The following ZNF292 variants were observed in gnomAD, a reference collection of about 807,000 sequenced individuals.
The protein encoded by ZNF292 is zinc finger protein 292.
ZNF292 carries 26 observed loss-of-function variants against 217.9 expected under a neutral mutation model. That is an observed-to-expected ratio of 0.12 (90% CI 0.09 to 0.17). The LOEUF (loss-of-function observed/expected upper bound fraction) is 0.17. ZNF292 is among the 10% of genes least tolerant of loss of function. The pLI, the probability that ZNF292 is intolerant of heterozygous loss-of-function variation, is 1.00. For missense variants in ZNF292, 2,904 were observed against 3,175.2 expected, an observed-to-expected ratio of 0.91 and a Z score of 2.05; for synonymous variants, 1,257 against 1,124.1, an observed-to-expected ratio of 1.12 and a Z score of -2.37.
At chr6:87,247,418 G>C (rs1164731966) in intron 7 of ZNF292, among the ~76,000 whole-genome samples, 3 of 152,090 alleles carry the variant, frequency 2.0e-5, no homozygotes, top group East Asian at 3.8e-4. Flanking sequence ...GGGAATTTTA[G>C]GTATGTCCAA....
intron 1 of ZNF292, among the ~76,000 whole-genome samples, chr6:87,187,714 CAAAAAA>C (rs10687268): frequency 1.0e-5 from 1 of 96,666 alleles, no homozygotes; most frequent in African/African-American, 4.0e-5. Context: ...GACTCTGCCT[CAAAAAA>C]AAAAAAAAAA....
intron 3 of ZNF292, 121 bp from the exon 4 acceptor site, chr6:87,218,469 TTTGTAA>T: frequency 1.6e-6 from 1 of 626,260 alleles, no homozygotes; most frequent in African/African-American, 1.9e-5. Context: ...AATTGAGTAC[TTTGTAA>T]TGTGATGTGA....
chr6:87,254,652 T>C lies in ZNF292; in HGVS notation c.1023T>C (p.Thr341=), dbSNP rs567259746. 109 of 1,592,714 alleles carry C rather than the reference T, an allele frequency of 6.8e-5. No individual in the cohort carries two copies. In the Admixed American group the frequency reaches 9.0e-4, roughly 13 times the overall value. The change falls in exon 8 of 8, where the codon ACT becomes ACC. Residue 341 remains threonine, a splice_region_variant and synonymous_variant. Transcript: ENST00000369577. ...ATTTCCTATTTGCTTTTTCACAGAC[T>C]GAAGGGGCTGGACTTGCTACCTGTA... ...FFLIKVINSE[T]EGAGLATCIE...
In ZNF292 at chr6:87,180,736, T is replaced by C. The variant is rs145479586; in HGVS notation, c.168+24977T>C. On this transcript the variant is annotated intron_variant, in intron 1 of 7. Coordinates refer to ENST00000369577, the MANE Select transcript of ZNF292 (RefSeq NM_015021.3). ...CAGTGGGCTGCAGCCATAATTCCAA[T>C]AAGGCCTGAACCCTAGTTATGGGGA... 4.9e-3 allele frequency among the ~76,000 whole-genome samples: 740 copies of C among 152,270 alleles called. 3 individuals carry two copies. The highest frequency in any genetic ancestry group is 0.016 in the African/African-American group (651 of 41,556).
chr6:87,260,243 A>G lies in ZNF292; in HGVS notation c.6614A>G (p.Glu2205Gly). Residue 2205 changes from glutamate to glycine, a missense_variant, in exon 8 of 8, where the codon GAA (glutamate) becomes GGA (glycine). Around this residue, in one of 15 missense-constraint regions of ZNF292, gnomAD observed 261 missense variants for 272.8 expected, o/e 0.96. Transcript: ENST00000369577. The stretch of plus-strand genomic sequence containing the variant: ...CATGAAATGACTCCTGAAGAAATTG[A>G]AAGTATGACTGCTTCAGTGGATGTT... ...KLHEMTPEEI[E>G]SMTASVDVGK... The G allele has an allele frequency of 6.2e-7, 1 of 1,613,646 alleles. No individual in the cohort carries two copies. Among genetic ancestry groups the G allele is most frequent in the South Asian group, 1.1e-5 (1 of 91,070 alleles).
chr6:87,254,589 GAAAT>G, intron 7 of ZNF292, 57 bp from the exon 8 acceptor site: 1 of 1,424,540 alleles, frequency 7.0e-7, no homozygotes, highest in Non-Finnish European at 9.5e-7. Flanking sequence ...ACTAAATTCT[GAAAT>G]AAATTAGTGT....
intron 7 of ZNF292, among the ~76,000 whole-genome samples, chr6:87,252,409 T>A (rs1774966904): frequency 6.6e-6 from 1 of 152,130 alleles, no homozygotes; most frequent in South Asian, 2.1e-4. Context: ...TGCCTCAGCC[T>A]CCCAAAGTGC....
intron 1 of ZNF292, among the ~76,000 whole-genome samples, chr6:87,197,809 G>A (rs1330639055): frequency 1.3e-5 from 2 of 148,522 alleles, no homozygotes; most frequent in African/African-American, 4.9e-5. Context: ...TTAGTTGAAA[G>A]AAGTACATTC....
At chr6:87,239,481 C>T (rs796557966) in intron 5 of ZNF292, among the ~76,000 whole-genome samples, 10 of 21,568 alleles carry the variant, frequency 4.6e-4, no homozygotes, top group African/African-American at 6.2e-4. Flanking sequence ...GCTGGCCGGG[C>T]GGGGGCTGCC....
intron 1 of ZNF292, among the ~76,000 whole-genome samples, chr6:87,209,218 C>T (rs1012387452): frequency 1.3e-5 from 2 of 151,204 alleles, no homozygotes; most frequent in Non-Finnish European, 1.5e-5. Flanking sequence ...TTGTTTTTAC[C>T]TAAAGCCTAT....
intron 1 of ZNF292, among the ~76,000 whole-genome samples, chr6:87,163,901 G>A (rs919325081): frequency 6.6e-6 from 1 of 152,252 alleles, no homozygotes; most frequent in East Asian, 1.9e-4. Flanking sequence ...AAGACTTTAG[G>A]ATGCCAAGCC....
chr6:87,256,622 C>G lies in ZNF292; in HGVS notation c.2993C>G (p.Ala998Gly), dbSNP rs1360697881. 2.5e-6 allele frequency: 4 copies of G among 1,613,572 alleles called. No homozygotes were observed. Among genetic ancestry groups the G allele is most frequent in the Non-Finnish European group, 3.4e-6 (4 of 1,179,816 alleles). Residue 998 changes from alanine to glycine, a missense_variant, in exon 8 of 8, where the codon GCC (alanine) becomes GGC (glycine). Physicochemically the swap from Ala to Gly is moderately conservative, Grantham distance 60 (BLOSUM62 0). Coordinates refer to ENST00000369577, the MANE Select transcript of ZNF292 (RefSeq NM_015021.3). ...ERKEQDCFNDAHVTQNSLVNS... is the reference protein window; with the variant it reads ...ERKEQDCFNDGHVTQNSLVNS... ...AAAGAACAAGATTGCTTTAATGATG[C>G]CCATGTTACTCAGAATTCTTTAGTA...
chr6:87,190,080 A>ATAT (rs1771782571), intron 1 of ZNF292, among the ~76,000 whole-genome samples: 1 of 152,158 alleles, frequency 6.6e-6, no homozygotes, highest in African/African-American at 2.4e-5. Context: ...TCCCTTTGAT[A>ATAT]TATTCCCTAA....
At chr6:87,248,303 C>G (rs1774716336) in intron 7 of ZNF292, among the ~76,000 whole-genome samples, 2 of 152,152 alleles carry the variant, frequency 1.3e-5, no homozygotes, top group Admixed American at 1.3e-4. Context: ...GTCAGTAAGT[C>G]TTAGATGTAT....
In ZNF292 at chr6:87,261,500, A is replaced by G; in HGVS notation, c.7871A>G (p.His2624Arg). Residue 2624 changes from histidine to arginine, a missense_variant, in exon 8 of 8, where the codon CAT (histidine) becomes CGT (arginine). Physicochemically the swap from His to Arg is conservative, Grantham distance 29. This residue lies in a region of ZNF292 where 380 missense variants were observed against 355.3 expected (regional missense o/e 1.07). Coordinates refer to ENST00000369577, the MANE Select transcript of ZNF292 (RefSeq NM_015021.3). ...AATACTGGAAACAAAAAAGGATCCCATTCAAATTCAAGAAAAAATATTGAT... is the reference window on the plus strand; with the variant it reads ...AATACTGGAAACAAAAAAGGATCCCGTTCAAATTCAAGAAAAAATATTGAT... ...HPNTGNKKGS[H>R]SNSRKNIDKT... 6.2e-7 allele frequency: 1 copy of G among 1,605,682 alleles called. No individual in the cohort carries two copies. The highest frequency in any genetic ancestry group is 2.2e-5 in the East Asian group (1 of 44,664).
chr6:87,257,788 C>T lies in ZNF292; in HGVS notation c.4159C>T (p.Pro1387Ser), dbSNP rs1326626614. The change falls in exon 8 of 8, where the codon CCC (proline) becomes TCC (serine). Residue 1387 changes from proline to serine, a missense_variant. Pro to Ser is a moderately conservative substitution (Grantham distance 74, BLOSUM62 -1). Transcript: ENST00000369577. ...CAGGTGTTACAGGGCTTTTACTAAT[C>T]CCAGATCACTGGGTGGGCACTTATC... ...CSRCYRAFTN[P>S]RSLGGHLSKR... is the part of the protein sequence containing the mutation. 1 of 1,613,816 alleles carries T rather than the reference C, an allele frequency of 6.2e-7. No individual in the cohort carries two copies. The highest frequency in any genetic ancestry group is 8.5e-7 in the Non-Finnish European group (1 of 1,179,798).
intron 1 of ZNF292, among the ~76,000 whole-genome samples, chr6:87,212,587 A>G (rs1264599230): frequency 6.6e-6 from 1 of 152,196 alleles, no homozygotes; most frequent in Non-Finnish European, 1.5e-5. Context: ...AAGACCAGTT[A>G]TTTTTTATTA....
intron 1 of ZNF292, among the ~76,000 whole-genome samples, chr6:87,164,460 A>G (rs1212584125): frequency 1.3e-5 from 2 of 152,210 alleles, no homozygotes; most frequent in Non-Finnish European, 2.9e-5. Flanking sequence ...GATCACACAT[A>G]CTATGGGTAC....
Position 87,254,925 on chromosome 6 carries a change from G to C in ZNF292, c.1296G>C (p.Leu432=). ...LPIPNSLRCE[L]LLVLKTQWPF... ...TACCAAATTCTTTACGCTGTGAGCTGTTACTTGTATTGAAAACTCAATGGC... is the reference window on the plus strand; with the variant it reads ...TACCAAATTCTTTACGCTGTGAGCTCTTACTTGTATTGAAAACTCAATGGC... The change falls in exon 8 of 8, where the codon CTG becomes CTC. Residue 432 remains leucine (L), a synonymous_variant. Transcript: ENST00000369577. 2 of 1,613,842 alleles carry C rather than the reference G, an allele frequency of 1.2e-6. No individual in the cohort carries two copies. Among genetic ancestry groups the C allele is most frequent in the South Asian group, 1.1e-5 (1 of 91,076 alleles).
Sources: gnomAD v4.1 joint callset for allele counts (sites outside exome capture counted in the v4.1 genomes callset) on GRCh38, gnomAD v4.1.1 for gene constraint, gnomAD v4.1.1 regional missense constraint, MANE v1.5 for transcripts, NCBI Gene and HGNC (gene_info 2026-07-23, HGNC 2026-07-21) for gene names.